ADK: variants seen among roughly 807,000 people sequenced by gnomAD.
ADK encodes adenosine kinase, also known as N6,N6-dimethyladenosine kinase.
A neutral mutation model predicts 44.7 loss-of-function variants in ADK; 24 were observed. The ratio of observed to expected loss-of-function variants is 0.54; its 90% CI spans 0.39 to 0.76. The LOEUF (loss-of-function observed/expected upper bound fraction) is 0.76. Ranked by LOEUF, ADK falls within the 30% of genes least tolerant of loss-of-function variation. The pLI is 0.00. For synonymous variants in ADK, 128 were observed against 142.6 expected (o/e 0.90, Z 0.73); for missense variants, 321 against 425.1 (o/e 0.76, Z 2.15).
intron 3 of ADK, among the ~76,000 whole-genome samples, chr10:74,291,266 A>T (rs1564636002): frequency 1.3e-5 from 2 of 152,066 alleles, no homozygotes. Context: ...AAATACAAAA[A>T]ATTAGCCGGG....
intron 7 of ADK, among the ~76,000 whole-genome samples, chr10:74,545,282 A>T (rs1849785256): frequency 6.6e-6 from 1 of 152,150 alleles, no homozygotes. Flanking sequence ...TTTTCCTCTC[A>T]ACTTTTTTCA....
At chr10:74,156,816 G>A (rs79471178) in intron 1 of ADK, among the ~76,000 whole-genome samples, 1 of 151,982 alleles carries the variant, frequency 6.6e-6, no homozygotes, top group Non-Finnish European at 1.5e-5. Flanking sequence ...GTAATAGTAC[G>A]AACCTCATAA....
At chr10:74,514,252 CT>C (rs1227822380) in intron 6 of ADK, among the ~76,000 whole-genome samples, 2 of 152,120 alleles carry the variant, frequency 1.3e-5, no homozygotes, top group Admixed American at 6.5e-5. Context: ...TTGTCTTTGA[CT>C]TTTGACAATT....
chr10:74,250,812 G>T (rs892540939), intron 3 of ADK, among the ~76,000 whole-genome samples: 1 of 152,146 alleles, frequency 6.6e-6, no homozygotes, highest in Non-Finnish European at 1.5e-5. Flanking sequence ...ACAGGGTCTT[G>T]CTCTGTCACC....
At chr10:74,334,723 C>T (rs966634907) in intron 4 of ADK, among the ~76,000 whole-genome samples, 1 of 152,016 alleles carries the variant, frequency 6.6e-6, no homozygotes, top group African/African-American at 2.4e-5. Flanking sequence ...TTTTTTAGGT[C>T]TGATCATAAG....
intron 10 of ADK, among the ~76,000 whole-genome samples, chr10:74,702,228 G>A (rs761586426): frequency 2.8e-4 from 42 of 150,166 alleles, no homozygotes; most frequent in Non-Finnish European, 4.6e-4. Flanking sequence ...CTGTCGCCTC[G>A]GCTGGAGTGC....
chr10:74,444,872 C>T (rs935770469), intron 6 of ADK, among the ~76,000 whole-genome samples: 2 of 151,846 alleles, frequency 1.3e-5, no homozygotes, highest in Non-Finnish European at 2.9e-5. Context: ...ATCACAAAAT[C>T]CATTTTTCCT....
chr10:74,443,123 A>G (rs1845480272), intron 6 of ADK, among the ~76,000 whole-genome samples: 1 of 152,136 alleles, frequency 6.6e-6, no homozygotes, highest in African/African-American at 2.4e-5. Flanking sequence ...ATAATTATGT[A>G]TTGTATACTT....
intron 9 of ADK, among the ~76,000 whole-genome samples, chr10:74,622,046 G>A (rs955756631): frequency 6.6e-6 from 1 of 152,078 alleles, no homozygotes; most frequent in Non-Finnish European, 1.5e-5. Context: ...TGGTGTCTTG[G>A]CCTCTTGTCC....
chr10:74,423,873 G>T, intron 6 of ADK: 1 of 246,426 alleles, frequency 4.1e-6, no homozygotes, highest in Non-Finnish European at 8.4e-6. Context: ...GTGTAAGGAA[G>T]GCTGCTCTGA....
chr10:74,517,704 A>G (rs1466564170), intron 6 of ADK, among the ~76,000 whole-genome samples: 1 of 151,716 alleles, frequency 6.6e-6, no homozygotes, highest in African/African-American at 2.4e-5. Flanking sequence ...AAAAAAAAAA[A>G]GAGTAAAAGA....
chr10:74,503,984 A>G (rs918441736), intron 6 of ADK, among the ~76,000 whole-genome samples: 3 of 152,142 alleles, frequency 2.0e-5, no homozygotes, highest in African/African-American at 7.2e-5. Flanking sequence ...CATACAGAAT[A>G]AAGTACTTCC....
At chr10:74,311,244 G>A (rs953953314) in intron 3 of ADK, among the ~76,000 whole-genome samples, 1 of 152,078 alleles carries the variant, frequency 6.6e-6, no homozygotes. Context: ...AAATAACATG[G>A]AAAATACCTA....
chr10:74,217,692 G>A (rs2132217961), intron 2 of ADK, among the ~76,000 whole-genome samples: 1 of 152,312 alleles, frequency 6.6e-6, no homozygotes, highest in African/African-American at 2.4e-5. Context: ...GGAACGATCA[G>A]ACAGCAGCAT....
At chr10:74,438,657 C>T (rs1190187113) in intron 6 of ADK, among the ~76,000 whole-genome samples, 1 of 152,032 alleles carries the variant, frequency 6.6e-6, no homozygotes, top group East Asian at 1.9e-4. Flanking sequence ...TTGTAAGCAA[C>T]CCGATATGTA....
At chr10:74,226,475 G>T (rs1363175673) in intron 3 of ADK, among the ~76,000 whole-genome samples, 1 of 151,964 alleles carries the variant, frequency 6.6e-6, no homozygotes, top group Non-Finnish European at 1.5e-5. Flanking sequence ...TACCACCAAG[G>T]TTTTATCATT....
At position 74,402,500 on chromosome 10, in the gene ADK, C is replaced by A. The variant is rs112574775; in HGVS notation, c.555+3921C>A. Among the ~76,000 whole-genome samples the A allele has an allele frequency of 5.1e-3, 771 of 152,182 alleles. 12 individuals are homozygous for A. Among genetic ancestry groups the A allele is most frequent in the African/African-American group, 0.017 (720 of 41,536 alleles). ...TGCTTCATTTCATTCATTTGATCTT[C>A]AATCACTGATACCCTTTCTTCCACT... On this transcript the variant is annotated intron_variant, in intron 6 of 10. Transcript: ENST00000539909.
At chr10:74,306,043 T>A (rs1036146304) in intron 3 of ADK, among the ~76,000 whole-genome samples, 102 of 148,928 alleles carry the variant, frequency 6.8e-4, no homozygotes, top group African/African-American at 2.4e-3. Context: ...ATTTTTTCAA[T>A]TTTTTTTTTT....
At chr10:74,512,991 T>C (rs1238270334) in intron 6 of ADK, among the ~76,000 whole-genome samples, 1 of 152,142 alleles carries the variant, frequency 6.6e-6, no homozygotes, top group Non-Finnish European at 1.5e-5. Context: ...AATTTTTAAA[T>C]TTTATTCTTA....
Sources: allele counts gnomAD v4.1 joint callset (sites outside exome capture counted in the v4.1 genomes callset), GRCh38; gene constraint gnomAD v4.1.1; transcripts MANE v1.5; gene names NCBI Gene and HGNC (gene_info 2026-07-23, HGNC 2026-07-21).